The following IFNLR1 variants were observed in gnomAD, a reference collection of about 807,000 sequenced individuals.
The protein encoded by IFNLR1 is CRF2-12.
IFNLR1 carries 28 observed loss-of-function variants against 52.5 expected under a neutral mutation model. The observed-to-expected ratio is 0.53, with a 90% confidence interval of 0.40 to 0.73. The LOEUF is 0.73. Among genes scored for constraint, IFNLR1 ranks in the 30% least tolerant of loss-of-function variants. The pLI is 0.00. For synonymous variants in IFNLR1, 276 were observed against 274.9 expected (o/e 1.00, Z -0.04); for missense variants, 623 against 659.1 (o/e 0.95, Z 0.60).
At chr1:24,173,286 G>A (rs1644600638) in intron 2 of IFNLR1, among the ~76,000 whole-genome samples, 1 of 151,974 alleles carries the variant, frequency 6.6e-6, no homozygotes, top group African/African-American at 2.4e-5. Flanking sequence ...AAAAATATTT[G>A]AATAGTCACT....
At chr1:24,166,148 T>C (rs1021092411) in intron 3 of IFNLR1, among the ~76,000 whole-genome samples, 8 of 151,888 alleles carry the variant, frequency 5.3e-5, no homozygotes, top group African/African-American at 1.7e-4. Context: ...AGAGCCTTCC[T>C]GTCTGCCTTC....
At chr1:24,159,728 T>G (rs1337694515) in intron 4 of IFNLR1, 95 bp from the exon 5 acceptor site, 22 of 814,442 alleles carry the variant, frequency 2.7e-5, no homozygotes, top group South Asian at 2.4e-4. Context: ...GGTAGGGTGT[T>G]TTTTTTTTGT....
At chr1:24,181,322 G>A (rs964241828) in intron 1 of IFNLR1, among the ~76,000 whole-genome samples, 6 of 152,240 alleles carry the variant, frequency 3.9e-5, no homozygotes, top group African/African-American at 1.4e-4. Flanking sequence ...ACACAGCAAA[G>A]GTTGCTGCCT....
chr1:24,158,811 A>C (rs1465523864), intron 6 of IFNLR1, among the ~76,000 whole-genome samples: 1 of 152,178 alleles, frequency 6.6e-6, no homozygotes, highest in Non-Finnish European at 1.5e-5. Context: ...CATCCTTAGC[A>C]GAGGTGAAGT....
rs560764137 is a variant in IFNLR1, at chr1:24,166,742, G to T, written c.367+2675C>A. ...AATTTTTTTTTTTTTTTGTAGAGAC[G>T]AGGTCTCCCTATGTTGCCTAGGCTG... On this transcript the variant is annotated intron_variant, in intron 3 of 6. Coordinates refer to ENST00000327535, the MANE Select transcript of IFNLR1 (RefSeq NM_170743.4). 2.2e-3 allele frequency among the ~76,000 whole-genome samples: 332 copies of T among 150,376 alleles called. 2 individuals are homozygous for T. Among genetic ancestry groups the T allele is most frequent in the African/African-American group, 6.9e-3 (282 of 40,818 alleles).
chr1:24,173,421 G>T (rs1038456564), intron 2 of IFNLR1, among the ~76,000 whole-genome samples: 2 of 152,036 alleles, frequency 1.3e-5, no homozygotes, highest in African/African-American at 4.8e-5. Flanking sequence ...TGGTTAAAAT[G>T]AAAAAGACTG....
At chr1:24,184,280 C>T (rs561635637) in intron 1 of IFNLR1, among the ~76,000 whole-genome samples, 2 of 152,290 alleles carry the variant, frequency 1.3e-5, no homozygotes, top group South Asian at 2.1e-4. Context: ...GTCACTGTCT[C>T]GAGGACACTT....
chr1:24,157,397 C>G lies in IFNLR1; in HGVS notation c.1296G>C (p.Lys432Asn), dbSNP rs1392498880. The stretch of plus-strand genomic sequence containing the variant: ...GGAGCTCTTCCAGGAAACCCGAGTC[C>G]TTGGAGAATTCAGGTGGTGGGAGAG... ...QESLPPPEFS[K>N]DSGFLEELPE... The change falls in exon 7 of 7, where the codon AAG becomes AAC. Residue 432 changes from lysine to asparagine, a missense_variant. Coordinates refer to ENST00000327535, the MANE Select transcript of IFNLR1 (RefSeq NM_170743.4). This position sits in a 1 kb window ranked among gnomAD's most constrained non-coding sequence, Gnocchi z 5.1. The G allele has an allele frequency of 6.2e-7, 1 of 1,614,196 alleles. No individual in the cohort carries two copies. Among genetic ancestry groups the G allele is most frequent in the South Asian group, 1.1e-5 (1 of 91,078 alleles).
At position 24,159,054 on chromosome 1, in the gene IFNLR1, G is replaced by T. The variant is rs767613713; in HGVS notation, c.799C>A (p.Leu267Met). 1 of 1,613,878 alleles carries T rather than the reference G, an allele frequency of 6.2e-7. No individual in the cohort carries two copies. Among genetic ancestry groups the T allele is most frequent in the Non-Finnish European group, 8.5e-7 (1 of 1,179,938 alleles). Residue 267 changes from leucine to methionine, a missense_variant and splice_region_variant, in exon 6 of 7, where the codon CTG becomes ATG. Coordinates refer to ENST00000327535, the MANE Select transcript of IFNLR1 (RefSeq NM_170743.4). ...WFQRAKMPRA[L>M]DFSGHTHPVA... ...GCACACCCCCAGATTTGCTATACCA[G>T]GGCCCGTGGCATCTTTGCCCGCTGA...
chr1:24,159,483 C>A lies in IFNLR1; in HGVS notation c.661G>T (p.Glu221Ter). ...ACCACTTGATACCCACCTGGGACCTCCAGCAAGAAGCAGGTGGGCTTAGAG... is the reference window on the plus strand; with the variant it reads ...ACCACTTGATACCCACCTGGGACCTACAGCAAGAAGCAGGTGGGCTTAGAG... ...KFSKPTCFLLEVPEANWAFLV... is the reference protein window; with the variant it reads ...KFSKPTCFLL Residue 221 changes from glutamate to a stop codon, truncating the protein, a stop_gained, in exon 5 of 7, where the codon GAG (glutamate) becomes TAG (stop). Transcript: ENST00000327535. LOFTEE classifies it high-confidence loss of function. 1 of 1,614,098 alleles carries A rather than the reference C, an allele frequency of 6.2e-7. No homozygotes were observed. The highest frequency in any genetic ancestry group is 8.5e-7 in the Non-Finnish European group (1 of 1,179,962).
chr1:24,162,826 CTTTCT>C (rs1462159115), intron 3 of IFNLR1, among the ~76,000 whole-genome samples: 1,931 of 50,602 alleles, frequency 0.038, 158 homozygotes, highest in Middle Eastern at 0.058. Flanking sequence ...TTTCTTCTTT[CTTTCT>C]TTTCTTTCTT....
Position 24,157,045 on chromosome 1 carries a change from G to C in IFNLR1, c.*85C>G, listed in dbSNP as rs1330978155. On this transcript the variant is annotated 3_prime_UTR_variant, in exon 7 of 7. Coordinates refer to ENST00000327535, the MANE Select transcript of IFNLR1 (RefSeq NM_170743.4). The surrounding 1 kb of genome is among the most constrained non-coding windows in gnomAD (Gnocchi z 5.1). ...CCCCTCCGCCGCCCAGGGGAGGTACGGAGGCTCTTGAGTTTCTTGGGAAGC... is the reference window on the plus strand; with the variant it reads ...CCCCTCCGCCGCCCAGGGGAGGTACCGAGGCTCTTGAGTTTCTTGGGAAGC... 4 of 1,474,354 alleles carry C rather than the reference G, an allele frequency of 2.7e-6. No homozygotes were observed. The highest frequency in any genetic ancestry group is 3.7e-6 in the Non-Finnish European group (4 of 1,094,934). 91.3% of individuals were successfully genotyped at this position (1,474,354 alleles called of 1,614,324 possible).
At chr1:24,180,938 G>C in intron 1 of IFNLR1, 84 bp from the exon 2 acceptor site, 1 of 1,421,536 alleles carries the variant, frequency 7.0e-7, no homozygotes, top group Non-Finnish European at 9.5e-7. Flanking sequence ...GCAGCACGAA[G>C]GGCAAGCAGG....
At position 24,159,612 on chromosome 1, in the gene IFNLR1, G is replaced by T. The variant is rs1227023519; in HGVS notation, c.532C>A (p.His178Asn). Residue 178 changes from histidine (H) to asparagine (N), a missense_variant, in exon 5 of 7, where the codon CAT (histidine) becomes AAT (asparagine). His to Asn is a moderately conservative substitution (Grantham distance 68, BLOSUM62 1). Coordinates refer to ENST00000327535, the MANE Select transcript of IFNLR1 (RefSeq NM_170743.4). Reference sequence around the variant, plus strand: ...AGAGTGATCTGGACTGGCTGGCCATGGGGAGTGACTGGAAATAGGGTCTGT... The same window carrying T: ...AGAGTGATCTGGACTGGCTGGCCATTGGGAGTGACTGGAAATAGGGTCTGT... ...GNKTLFPVTP[H>N]GQPVQITLQP... is the part of the protein sequence containing the mutation. The T allele has an allele frequency of 1.2e-6, 2 of 1,614,006 alleles. No homozygotes were observed. Among genetic ancestry groups the T allele is most frequent in the Non-Finnish European group, 1.7e-6 (2 of 1,180,004 alleles).
rs1188225732 is a variant in IFNLR1 at position 24,155,965 on chromosome 1, G to A, written c.*1165C>T. The A allele has an allele frequency of 1.3e-5, 2 of 152,172 alleles. No individual in the cohort carries two copies. Among genetic ancestry groups the A allele is most frequent in the Admixed American group, 1.3e-4 (2 of 15,270 alleles). The allele number at this position is 152,172 out of a possible 1,614,324, so 9.4% of individuals were successfully genotyped here. A position where few individuals can be genotyped will look rare whatever the true frequency, so the allele number is the denominator to read the frequency against. On this transcript the variant is annotated 3_prime_UTR_variant, in exon 7 of 7. Transcript: ENST00000327535. ...TTCTCATAACTGGAAGGGAGAATGG[G>A]ACTTCTAAGGACCACAACGGTCAAC... is the stretch of plus-strand genomic sequence containing the variant.
intron 3 of IFNLR1, among the ~76,000 whole-genome samples, chr1:24,166,578 GCT>G: frequency 6.6e-6 from 1 of 152,008 alleles, no homozygotes; most frequent in East Asian, 1.9e-4. Flanking sequence ...ACAGGGTGTT[GCT>G]CTGTCACCGA....
chr1:24,160,588 G>A (rs1458315709), intron 4 of IFNLR1, among the ~76,000 whole-genome samples: 1 of 152,194 alleles, frequency 6.6e-6, no homozygotes, highest in East Asian at 1.9e-4. Context: ...CAGGAACCAC[G>A]CTGGATTCGG....
chr1:24,182,328 G>A (rs7524201), intron 1 of IFNLR1, among the ~76,000 whole-genome samples: 1 of 151,852 alleles, frequency 6.6e-6, no homozygotes, highest in Non-Finnish European at 1.5e-5. Flanking sequence ...AGCTGGAGGC[G>A]ATCAAAAGCC....
intron 1 of IFNLR1, 38 bp downstream of exon 1, chr1:24,187,153 C>T: frequency 3.1e-6 from 4 of 1,304,354 alleles, no homozygotes; most frequent in South Asian, 1.6e-5. Context: ...GCCCGGGGAG[C>T]CCTCTTCCCC....
Sources: allele counts gnomAD v4.1 joint callset (sites outside exome capture counted in the v4.1 genomes callset), GRCh38; gene constraint gnomAD v4.1.1; non-coding constraint Gnocchi (gnomAD v3.1); transcripts MANE v1.5; gene names NCBI Gene and HGNC (gene_info 2026-07-23, HGNC 2026-07-21).